The following CNIH3 variants were observed in gnomAD, a reference collection of about 807,000 sequenced individuals.
CNIH3 encodes cornichon family AMPA receptor auxiliary protein 3, also known as protein cornichon homolog 3.
A neutral mutation model predicts 24.1 loss-of-function variants in CNIH3; 14 were observed. That is an observed-to-expected ratio of 0.58 (90% CI 0.38 to 0.91). The LOEUF is 0.91. Ranked by LOEUF, CNIH3 falls within the 40% of genes least tolerant of loss-of-function variation. CNIH3 has a pLI of 0.00. For missense variants in CNIH3, 178 were observed against 196.8 expected (o/e 0.90, Z 0.57); for synonymous variants, 68 against 73.8 (o/e 0.92, Z 0.40).
intron 1 of CNIH3, among the ~76,000 whole-genome samples, chr1:224,477,355 G>A (rs1016249471): frequency 4.6e-5 from 7 of 152,102 alleles, no homozygotes; most frequent in African/African-American, 1.7e-4. Context: ...CTCCTAAGTC[G>A]AATTCTGAAT....
At chr1:224,437,773 A>G (rs1336293250) in intron 1 of CNIH3, among the ~76,000 whole-genome samples, 1 of 152,254 alleles carries the variant, frequency 6.6e-6, no homozygotes, top group Non-Finnish European at 1.5e-5. Flanking sequence ...TTTACAAAGT[A>G]AAATATATTT....
At chr1:224,453,085 C>T (rs150391866) in intron 1 of CNIH3, among the ~76,000 whole-genome samples, 8 of 151,822 alleles carry the variant, frequency 5.3e-5, no homozygotes, top group Non-Finnish European at 8.8e-5. Context: ...CACGCCATTG[C>T]ACTCCAGCCT....
intron 3 of CNIH3, among the ~76,000 whole-genome samples, chr1:224,697,979 T>G (rs1245399655): frequency 6.6e-6 from 1 of 152,188 alleles, no homozygotes; most frequent in Non-Finnish European, 1.5e-5. Context: ...TCCAGACATA[T>G]CTTCTCCCCA....
chr1:224,535,739 G>A (rs1460428949), intron 2 of CNIH3, among the ~76,000 whole-genome samples: 1 of 152,188 alleles, frequency 6.6e-6, no homozygotes, highest in Non-Finnish European at 1.5e-5. Context: ...TGCAAGGGAG[G>A]GCTGCTGCCA....
intron 1 of CNIH3, among the ~76,000 whole-genome samples, chr1:224,459,902 G>A (rs1443418300): frequency 2.4e-5 from 3 of 127,548 alleles, no homozygotes; most frequent in African/African-American, 6.1e-5. Flanking sequence ...TTTTTTGACC[G>A]GGTCTTGCTT....
intron 1 of CNIH3, among the ~76,000 whole-genome samples, chr1:224,504,915 A>G (rs2124879340): frequency 6.6e-6 from 1 of 152,014 alleles, no homozygotes; most frequent in Non-Finnish European, 1.5e-5. Context: ...GAGGGCAAGT[A>G]TGGCTTTTAT....
chr1:224,463,795 T>TA (rs1676041916), intron 1 of CNIH3, among the ~76,000 whole-genome samples: 2 of 126,276 alleles, frequency 1.6e-5, no homozygotes, highest in African/African-American at 6.4e-5. Context: ...TTTTTTTTTT[T>TA]TTTTTTTTTT....
downstream of CNIH3, among the ~76,000 whole-genome samples, chr1:224,589,476 C>T (rs1057201146): frequency 6.6e-6 from 1 of 152,212 alleles, no homozygotes; most frequent in Non-Finnish European, 1.5e-5. Flanking sequence ...TCTGAGTGAG[C>T]TGCAGCCTGC....
chr1:224,664,391 T>C (rs1452126594), intron 1 of CNIH3, among the ~76,000 whole-genome samples: 1 of 152,234 alleles, frequency 6.6e-6, no homozygotes, highest in Non-Finnish European at 1.5e-5. Context: ...TCACTAGTTG[T>C]GAAATAGATT....
At chr1:224,462,961 C>T (rs1272363545) in intron 1 of CNIH3, among the ~76,000 whole-genome samples, 2 of 134,210 alleles carry the variant, frequency 1.5e-5, no homozygotes, top group Non-Finnish European at 3.0e-5. Context: ...AGTGCAGTGG[C>T]ACAATCTTGG....
chr1:224,711,208 C>A (rs139617181), intron 3 of CNIH3, among the ~76,000 whole-genome samples: 2 of 152,212 alleles, frequency 1.3e-5, no homozygotes, highest in East Asian at 3.8e-4. Context: ...TGTGAGCCAT[C>A]TACTATCCTT....
chr1:224,467,357 C>T (rs1026674954), intron 1 of CNIH3, among the ~76,000 whole-genome samples: 7 of 151,988 alleles, frequency 4.6e-5, no homozygotes, highest in African/African-American at 1.4e-4. Context: ...TTAACAGGAG[C>T]TTTCACAGAG....
At position 224,489,126 on chromosome 1, in the gene CNIH3, A is replaced by G. The variant is rs1307162702; in HGVS notation, n.204-26615A>G. 3.9e-5 allele frequency among the ~76,000 whole-genome samples: 6 copies of G among 152,194 alleles called. No individual in the cohort carries two copies. The Middle Eastern group carries it at 0.017, about 431-fold the overall frequency. ...TCTGAGTTCTGCTATGTTTCTCTGA[A>G]GAGTATTTTTCTTCTTTTTTTTAAT... On this transcript the variant is annotated intron_variant and non_coding_transcript_variant, in intron 1 of 5. Transcript: ENST00000471578.
chr1:224,581,448 G>A (rs1681269468), intron 4 of CNIH3, among the ~76,000 whole-genome samples: 1 of 151,976 alleles, frequency 6.6e-6, no homozygotes, highest in Non-Finnish European at 1.5e-5. Flanking sequence ...CTTTTTCACA[G>A]GTTTCTACTA....
intron 1 of CNIH3, among the ~76,000 whole-genome samples, chr1:224,652,406 C>G (rs545816738): frequency 1.2e-4 from 18 of 152,250 alleles, no homozygotes; most frequent in Non-Finnish European, 2.4e-4. Flanking sequence ...GGACTCAGAC[C>G]TAGCGGTAGG....
At chr1:224,697,452 A>G (rs578198076) in intron 3 of CNIH3, among the ~76,000 whole-genome samples, 28 of 152,236 alleles carry the variant, frequency 1.8e-4, no homozygotes, top group Non-Finnish European at 3.1e-4. Flanking sequence ...TCTCCAGGGT[A>G]TGATTTAGAG....
intron 1 of CNIH3, among the ~76,000 whole-genome samples, chr1:224,438,626 C>T (rs751241260): frequency 6.6e-6 from 1 of 152,146 alleles, no homozygotes; most frequent in Non-Finnish European, 1.5e-5. Context: ...ATTTATATCT[C>T]CAGCTTCATT....
chr1:224,538,945 G>C (rs1430199660), downstream of CNIH3, among the ~76,000 whole-genome samples: 2 of 150,716 alleles, frequency 1.3e-5, no homozygotes, highest in East Asian at 3.9e-4. Flanking sequence ...TGCGATTACA[G>C]GCATAAGCCT....
intron 1 of CNIH3, among the ~76,000 whole-genome samples, chr1:224,502,292 G>C (rs981307552): frequency 1.3e-5 from 2 of 152,176 alleles, no homozygotes; most frequent in African/African-American, 2.4e-5. Flanking sequence ...AGCCAGAAAT[G>C]ATCTCTGTGA....
Sources: allele counts gnomAD v4.1 joint callset (sites outside exome capture counted in the v4.1 genomes callset), GRCh38; gene constraint gnomAD v4.1.1; transcripts MANE v1.5; gene names NCBI Gene and HGNC (gene_info 2026-07-23, HGNC 2026-07-21).